The following FANK1 variants were observed in gnomAD, a reference collection of about 807,000 sequenced individuals.
The protein encoded by FANK1 is fibronectin type 3 and ankyrin repeat domains protein 1.
Under a neutral mutation model 45.3 loss-of-function variants are expected in FANK1, and 44 were observed. The observed-to-expected ratio is 0.97, with a 90% confidence interval of 0.76 to 1.25. FANK1 has a LOEUF of 1.25. Among genes scored for constraint, FANK1 ranks in the 50% most tolerant of loss-of-function variants. The pLI is 0.00. For synonymous variants in FANK1, 149 were observed against 152.5 expected, an observed-to-expected ratio of 0.98 and a Z score of 0.17; for missense variants, 391 against 424.4, an observed-to-expected ratio of 0.92 and a Z score of 0.69.
intron 3 of FANK1, among the ~76,000 whole-genome samples, chr10:125,995,128 T>G (rs936947099): frequency 6.6e-6 from 1 of 152,164 alleles, no homozygotes; most frequent in Admixed American, 6.5e-5. Context: ...TTAAGTCTTA[T>G]GAAATCTGAA....
chr10:125,963,202 T>A lies in FANK1; in HGVS notation c.14-16959T>A, dbSNP rs561393975. ...TTTCACCATGTTGGCCAGGCTGGTCTCAAACTCCTGACCTCAGGTGATCCA... is the reference window on the plus strand; with the variant it reads ...TTTCACCATGTTGGCCAGGCTGGTCACAAACTCCTGACCTCAGGTGATCCA... On this transcript the variant is annotated intron_variant, in intron 1 of 10. Coordinates refer to ENST00000368693, the MANE Select transcript of FANK1 (RefSeq NM_145235.5). Among the ~76,000 whole-genome samples, 15 of 152,356 alleles carry A rather than the reference T, an allele frequency of 9.8e-5. No individual in the cohort carries two copies. In the East Asian group the frequency reaches 2.5e-3, roughly 25 times the overall value.
At chr10:125,960,230 AG>A (rs540425712) in intron 1 of FANK1, 8 of 292,096 alleles carry the variant, frequency 2.7e-5, no homozygotes, top group Admixed American at 7.7e-5. Context: ...GGACTCCAGG[AG>A]GGGGGTTACT....
intron 1 of FANK1, among the ~76,000 whole-genome samples, chr10:125,964,613 A>G (rs980894615): frequency 1.4e-4 from 22 of 152,328 alleles, no homozygotes; most frequent in African/African-American, 5.1e-4. Context: ...CTTAACTGCT[A>G]TATGGTATGC....
At chr10:125,988,922 C>T (rs752485159) in intron 3 of FANK1, 6 of 610,826 alleles carry the variant, frequency 9.8e-6, no homozygotes, top group Admixed American at 2.5e-5. Flanking sequence ...AGCCATTCAG[C>T]ACAAAAGGGT....
intron 3 of FANK1, among the ~76,000 whole-genome samples, chr10:125,993,799 AAGT>A (rs753486585): frequency 7.9e-5 from 12 of 152,250 alleles, no homozygotes; most frequent in Non-Finnish European, 1.8e-4. Context: ...TAGCTAAAAA[AAGT>A]CTGTAAGAGA....
intron 1 of FANK1, among the ~76,000 whole-genome samples, chr10:125,932,462 T>A (rs1050649269): frequency 2.0e-5 from 3 of 152,174 alleles, no homozygotes; most frequent in Non-Finnish European, 4.4e-5. Flanking sequence ...TTTTTGCAGC[T>A]GTTGTAAAAG....
At chr10:125,962,393 A>G (rs950123922) in intron 1 of FANK1, among the ~76,000 whole-genome samples, 1 of 152,086 alleles carries the variant, frequency 6.6e-6, no homozygotes, top group Non-Finnish European at 1.5e-5. Context: ...AATTTGGACC[A>G]TTATTTCAAA....
chr10:125,995,398 T>G lies in FANK1; in HGVS notation c.317-19T>G. The G allele has an allele frequency of 1.2e-6, 2 of 1,612,396 alleles. No individual in the cohort carries two copies. The highest frequency in any genetic ancestry group is 8.5e-7 in the Non-Finnish European group (1 of 1,178,400). ...TTTTCTGATGTTCTGGATGACTGCCTTCCATCTCATTTCTCCAGGAGAGCC... is the reference window on the plus strand; with the variant it reads ...TTTTCTGATGTTCTGGATGACTGCCGTCCATCTCATTTCTCCAGGAGAGCC... On this transcript the variant is annotated intron_variant, in intron 3 of 10. Transcript: ENST00000368693.
chr10:125,989,388 C>T (rs763646159), intron 3 of FANK1: 12 of 1,541,280 alleles, frequency 7.8e-6, no homozygotes, highest in South Asian at 1.2e-5. Context: ...ACAAAGGAAA[C>T]CTTCCTTTTG....
intron 1 of FANK1, among the ~76,000 whole-genome samples, chr10:125,954,925 AT>A (rs1949484696): frequency 6.6e-6 from 1 of 152,108 alleles, no homozygotes; most frequent in Non-Finnish European, 1.5e-5. Flanking sequence ...TCTCAAAAAA[AT>A]AAATTAAAAA....
At chr10:125,987,406 A>G (rs1420919168) in intron 2 of FANK1, among the ~76,000 whole-genome samples, 1 of 150,156 alleles carries the variant, frequency 6.7e-6, no homozygotes, top group Non-Finnish European at 1.5e-5. Flanking sequence ...TAGAGACAGG[A>G]AAAAACAAAA....
chr10:125,952,532 G>A (rs1357546096), intron 1 of FANK1, among the ~76,000 whole-genome samples: 2 of 152,114 alleles, frequency 1.3e-5, no homozygotes, highest in African/African-American at 4.8e-5. Flanking sequence ...TCACCCTTGT[G>A]TGTATCAGGT....
intron 6 of FANK1, among the ~76,000 whole-genome samples, chr10:126,002,088 G>A (rs889771558): frequency 2.0e-5 from 3 of 151,956 alleles, no homozygotes; most frequent in South Asian, 4.2e-4. Flanking sequence ...TGAGGCAGGC[G>A]GATCACGAGG....
At chr10:125,912,576 A>T (rs146677971) in intron 1 of FANK1, among the ~76,000 whole-genome samples, 3 of 151,964 alleles carry the variant, frequency 2.0e-5, no homozygotes, top group African/African-American at 4.8e-5. Flanking sequence ...CCTGGTTAAT[A>T]ATTTACACCC....
intron 5 of FANK1, 58 bp from the exon 6 acceptor site, chr10:125,997,362 G>T (rs368797806): frequency 1.4e-6 from 2 of 1,420,990 alleles, no homozygotes; most frequent in Non-Finnish European, 2.0e-6. Flanking sequence ...CTGGACTATT[G>T]TGGGTTCTGA....
At chr10:125,900,997 A>G (rs1238322931) in intron 1 of FANK1, among the ~76,000 whole-genome samples, 1 of 151,864 alleles carries the variant, frequency 6.6e-6, no homozygotes, top group African/African-American at 2.4e-5. Flanking sequence ...TTAGAGAGAC[A>G]GGGTCTTGCT....
intron 1 of FANK1, among the ~76,000 whole-genome samples, chr10:125,974,140 C>G (rs140528614): frequency 1.3e-5 from 2 of 152,156 alleles, no homozygotes; most frequent in South Asian, 4.2e-4. Flanking sequence ...TAGGTTTATC[C>G]AATTCCATCA....
At chr10:125,988,465 A>G in intron 2 of FANK1, 86 bp from the exon 3 acceptor site, 5 of 1,526,052 alleles carry the variant, frequency 3.3e-6, no homozygotes, top group Non-Finnish European at 4.4e-6. Flanking sequence ...AAGGAAAATC[A>G]CTTCCACCTG....
chr10:125,981,116 T>G (rs191262412), intron 2 of FANK1, among the ~76,000 whole-genome samples: 361 of 152,364 alleles, frequency 2.4e-3, no homozygotes, highest in Middle Eastern at 6.8e-3. Flanking sequence ...GACTTCTGCC[T>G]GCTTAACGCT....
Sources: gnomAD v4.1 joint callset for allele counts (sites outside exome capture counted in the v4.1 genomes callset) on GRCh38, gnomAD v4.1.1 for gene constraint, MANE v1.5 for transcripts, NCBI Gene and HGNC (gene_info 2026-07-23, HGNC 2026-07-21) for gene names.